Variants in CCSER1 observed in about 807,000 individuals in gnomAD.
CCSER1 encodes the protein serine-rich coiled-coil domain-containing protein 1.
A neutral mutation model predicts 82.0 loss-of-function variants in CCSER1; 41 were observed. The observed-to-expected ratio is 0.50, with a 90% confidence interval of 0.39 to 0.65. CCSER1 has a LOEUF of 0.65. Ranked by LOEUF, CCSER1 falls within the 30% of genes least tolerant of loss-of-function variation. The pLI, the probability that CCSER1 is intolerant of heterozygous loss-of-function variation, is 0.00. For missense variants in CCSER1, 1,119 were observed against 1,064.2 expected (o/e 1.05, Z -0.72); for synonymous variants, 414 against 383.9 (o/e 1.08, Z -0.92).
intron 1 of CCSER1, among the ~76,000 whole-genome samples, chr4:90,227,330 A>G (rs1484582523): frequency 6.6e-6 from 1 of 152,242 alleles, no homozygotes; most frequent in African/African-American, 2.4e-5. Flanking sequence ...TAGAGAAGAC[A>G]TCTGTCTAAA....
intron 9 of CCSER1, among the ~76,000 whole-genome samples, chr4:91,013,185 G>GT (rs1464440875): frequency 3.0e-5 from 4 of 133,976 alleles, no homozygotes; most frequent in South Asian, 2.4e-4. Context: ...TTTTCCAGGA[G>GT]TTTTTTTATT....
chr4:91,060,188 ACTAG>A (rs1170597351), intron 9 of CCSER1, among the ~76,000 whole-genome samples: 2 of 152,102 alleles, frequency 1.3e-5, no homozygotes, highest in African/African-American at 4.8e-5. Flanking sequence ...AAAATATTCA[ACTAG>A]CTATTATTAT....
At chr4:91,214,529 C>A (rs1737089470) in intron 10 of CCSER1, among the ~76,000 whole-genome samples, 1 of 152,124 alleles carries the variant, frequency 6.6e-6, no homozygotes, top group Non-Finnish European at 1.5e-5. Context: ...TCTACCTATT[C>A]ATAGTTCATA....
At chr4:90,800,911 A>G (rs1366565458) in intron 7 of CCSER1, among the ~76,000 whole-genome samples, 1 of 152,204 alleles carries the variant, frequency 6.6e-6, no homozygotes, top group Non-Finnish European at 1.5e-5. Context: ...TCAAACAAAA[A>G]AATAAGGAAA....
At chr4:91,193,007 C>T (rs1735126729) in intron 10 of CCSER1, among the ~76,000 whole-genome samples, 1 of 152,100 alleles carries the variant, frequency 6.6e-6, no homozygotes, top group Non-Finnish European at 1.5e-5. Flanking sequence ...CCTTTGTCTA[C>T]GATCCTTCCT....
At chr4:90,642,611 GGAGGATTGCTT>G (rs1392606965) in intron 6 of CCSER1, 1 of 152,226 alleles carries the variant, frequency 6.6e-6, no homozygotes, top group Admixed American at 6.5e-5. Flanking sequence ...AGCCTAGGCA[GGAGGATTGCTT>G]GAGCTCAGGA....
intron 10 of CCSER1, among the ~76,000 whole-genome samples, chr4:91,181,161 T>C (rs2149029655): frequency 6.6e-6 from 1 of 152,210 alleles, no homozygotes; most frequent in South Asian, 2.1e-4. Flanking sequence ...TGGGGCCAGT[T>C]TATGGCCAGA....
chr4:91,481,934 AAC>A (rs561050177), intron 10 of CCSER1, among the ~76,000 whole-genome samples: 1,760 of 152,316 alleles, frequency 0.012, 17 homozygotes, highest in Non-Finnish European at 0.017. Context: ...ACAAGAAAAA[AAC>A]AACCCCATCA....
intron 1 of CCSER1, among the ~76,000 whole-genome samples, chr4:90,196,055 C>A (rs1429792381): frequency 2.6e-5 from 4 of 151,112 alleles, no homozygotes; most frequent in African/African-American, 4.9e-5. Flanking sequence ...GTCCACTGCT[C>A]CAGGCACAAA....
intron 3 of CCSER1, among the ~76,000 whole-genome samples, chr4:90,352,433 G>A (rs10452165): frequency 0.014 from 2,115 of 152,224 alleles, 68 homozygotes; most frequent in African/African-American, 0.048. Flanking sequence ...GGCAGTCCAG[G>A]TGGGCGGATC....
At chr4:91,593,888 A>T (rs1170401938) in intron 10 of CCSER1, among the ~76,000 whole-genome samples, 1 of 152,166 alleles carries the variant, frequency 6.6e-6, no homozygotes, top group Non-Finnish European at 1.5e-5. Context: ...AAATAATAAT[A>T]TGTTTTAAAA....
chr4:90,997,952 T>C (rs1737646204), intron 9 of CCSER1, among the ~76,000 whole-genome samples: 1 of 152,222 alleles, frequency 6.6e-6, no homozygotes. Flanking sequence ...TCTGCTAATG[T>C]GATCTTGGTA....
At chr4:90,600,509 A>G (rs1783905402) in intron 5 of CCSER1, among the ~76,000 whole-genome samples, 1 of 152,046 alleles carries the variant, frequency 6.6e-6, no homozygotes, top group African/African-American at 2.4e-5. Flanking sequence ...TTCCTATTTG[A>G]AAAATATGTG....
At chr4:90,670,224 T>A (rs1732545729) in intron 6 of CCSER1, among the ~76,000 whole-genome samples, 1 of 152,182 alleles carries the variant, frequency 6.6e-6, no homozygotes, top group Non-Finnish European at 1.5e-5. Flanking sequence ...CTTACTGTTC[T>A]TTGTGAATTT....
At chr4:90,587,629 T>C (rs1782182112) in intron 5 of CCSER1, among the ~76,000 whole-genome samples, 1 of 152,220 alleles carries the variant, frequency 6.6e-6, no homozygotes, top group African/African-American at 2.4e-5. Context: ...TTAGGACATA[T>C]AGTTAATAAA....
chr4:90,409,719 C>G (rs1389457638), intron 4 of CCSER1, among the ~76,000 whole-genome samples: 1 of 152,160 alleles, frequency 6.6e-6, no homozygotes, highest in African/African-American at 2.4e-5. Flanking sequence ...GAAACTGCAT[C>G]AACTAAAGAG....
At chr4:91,202,128 T>C (rs1735946909) in intron 10 of CCSER1, among the ~76,000 whole-genome samples, 1 of 151,682 alleles carries the variant, frequency 6.6e-6, no homozygotes, top group South Asian at 2.1e-4. Context: ...CCTACTTACA[T>C]TAATTAGGTT....
chr4:90,610,287 AT>A (rs1785289405), intron 5 of CCSER1, among the ~76,000 whole-genome samples: 2 of 151,222 alleles, frequency 1.3e-5, no homozygotes, highest in South Asian at 2.1e-4. Flanking sequence ...AAATAAATAA[AT>A]AAATAAATAA....
rs1476625761 is a variant in CCSER1 at position 90,760,665 on chromosome 4, A to T, written c.2010+36674A>T. 2.0e-5 allele frequency among the ~76,000 whole-genome samples: 3 copies of T among 152,118 alleles called. No homozygotes were observed. In the South Asian group the frequency reaches 6.2e-4, roughly 32 times the overall value. Reference sequence around the variant, plus strand: ...AATGTTCTATATCATTAAGGAACCAAATAGTCTAGTGATTAAAAATACAGG... The same window carrying T: ...AATGTTCTATATCATTAAGGAACCATATAGTCTAGTGATTAAAAATACAGG... On this transcript the variant is annotated intron_variant, in intron 7 of 10. Transcript: ENST00000509176.
Sources: gnomAD v4.1 joint callset for allele counts (sites outside exome capture counted in the v4.1 genomes callset) on GRCh38, gnomAD v4.1.1 for gene constraint, MANE v1.5 for transcripts, NCBI Gene and HGNC (gene_info 2026-07-23, HGNC 2026-07-21) for gene names.